Variants in TNNT3 observed in about 807,000 individuals in gnomAD.
The protein encoded by TNNT3 is troponin T3, fast skeletal type, also known as troponin T, fast skeletal muscle.
Under a neutral mutation model 54.2 loss-of-function variants are expected in TNNT3, and 36 were observed. That is an observed-to-expected ratio of 0.66 (90% confidence interval 0.51 to 0.88). TNNT3 has a LOEUF of 0.88. Among genes scored for constraint, TNNT3 ranks in the 40% least tolerant of loss-of-function variants. The pLI, the probability that TNNT3 is intolerant of heterozygous loss-of-function variation, is 0.00. For synonymous variants in TNNT3, 120 were observed against 109.7 expected, an observed-to-expected ratio of 1.09 and a Z score of -0.59; for missense variants, 291 against 331.6, an observed-to-expected ratio of 0.88 and a Z score of 0.95.
chr11:1,932,265 G>A (rs1853605113), intron 8 of TNNT3, among the ~76,000 whole-genome samples: 1 of 152,258 alleles, frequency 6.6e-6, no homozygotes, highest in African/African-American at 2.4e-5. Context: ...CTTCTTGAGG[G>A]GCTCAAGCCA....
rs751319053 is a variant in TNNT3 at position 1,938,593 on chromosome 11, G to A, written c.*101G>A. 6 of 1,297,760 alleles carry A rather than the reference G, an allele frequency of 4.6e-6. No individual in the cohort carries two copies. Among genetic ancestry groups the A allele is most frequent in the Non-Finnish European group, 6.6e-6 (6 of 910,926 alleles). 80.4% of individuals were successfully genotyped at this position (1,297,760 alleles called of 1,614,324 possible). ...CCTCCAGCCCCCACAATCCTGTCAG[G>A]GGCTCCCTGACAGTCCTGGGGGTGG... On this transcript the variant is annotated 3_prime_UTR_variant, in exon 16 of 16. Transcript: ENST00000278317.
chr11:1,920,469 C>T (rs1849846428), intron 1 of TNNT3, among the ~76,000 whole-genome samples: 2 of 145,302 alleles, frequency 1.4e-5, no homozygotes, highest in Admixed American at 6.8e-5. Context: ...TCGTAAGAGC[C>T]CCCACCCACC....
chr11:1,929,261 C>T lies in TNNT3; in HGVS notation c.106+118C>T, dbSNP rs1316029772. 3.8e-6 allele frequency: 5 copies of T among 1,313,560 alleles called. No individual in the cohort carries two copies. In the East Asian group the frequency reaches 1.1e-4, roughly 30 times the overall value. The allele number at this position is 1,313,560 out of a possible 1,614,324, so 81.4% of individuals were successfully genotyped here. On this transcript the variant is annotated intron_variant, in intron 7 of 15. Coordinates refer to ENST00000278317, the MANE Select transcript of TNNT3 (RefSeq NM_006757.4). ...CTCCTCCTCCCTCTGTCCTCTTTCT[C>T]TTCCCCTGGCACGGGGGCCTCGGAG...
chr11:1,935,489 A>G lies in TNNT3; in HGVS notation c.681+570A>G, dbSNP rs148747620. The G allele has an allele frequency of 2.8e-3, 517 of 182,476 alleles. 3 individuals are homozygous for G. Among genetic ancestry groups the G allele is most frequent in the African/African-American group, 0.011 (479 of 42,570 alleles). 11.3% of individuals were successfully genotyped at this position (182,476 alleles called of 1,614,324 possible). A position where few individuals can be genotyped will look rare whatever the true frequency, so the allele number is the denominator to read the frequency against. On this transcript the variant is annotated intron_variant, in intron 14 of 15. Coordinates refer to ENST00000278317, the MANE Select transcript of TNNT3 (RefSeq NM_006757.4). ...ACGGAGCAGAGCCACCATCCCATGC[A>G]GGCACTATCACCGCAGGCAAAGCTG...
Position 1,933,867 on chromosome 11 carries a change from G to T in TNNT3, c.288+30G>T, listed in dbSNP as rs1387435563. ...GTGGGGCAGTTCAGGTTGCAGCAGG[G>T]GCTGGTGGACTCCCTCGGAGGAGCC... On this transcript the variant is annotated intron_variant, in intron 10 of 15. Coordinates refer to ENST00000278317, the MANE Select transcript of TNNT3 (RefSeq NM_006757.4). 8 of 1,612,086 alleles carry T rather than the reference G, an allele frequency of 5.0e-6. No individual in the cohort carries two copies. In the African/African-American group the frequency reaches 9.3e-5, roughly 19 times the overall value.
At chr11:1,934,222 A>C (rs1186112114) in intron 11 of TNNT3, 110 bp from the exon 12 acceptor site, 15 of 1,138,090 alleles carry the variant, frequency 1.3e-5, no homozygotes, top group African/African-American at 3.1e-5. Context: ...TTCTAAGCCC[A>C]GGGTGGGCCC....
intron 6 of TNNT3, among the ~76,000 whole-genome samples, chr11:1,928,692 C>A (rs1418243700): frequency 6.6e-6 from 1 of 152,138 alleles, no homozygotes; most frequent in East Asian, 1.9e-4. Context: ...AGGGGTCAGG[C>A]TCCGGGAAGC....
At chr11:1,936,906 A>C (rs978736892) in intron 14 of TNNT3, 57 bp from the exon 15 acceptor site, 1 of 1,556,896 alleles carries the variant, frequency 6.4e-7, no homozygotes, top group Non-Finnish European at 8.7e-7. Context: ...GCCTTCACCC[A>C]GTACACGCAG....
At chr11:1,930,230 G>A (rs1223033854) in intron 8 of TNNT3, among the ~76,000 whole-genome samples, 2 of 152,130 alleles carry the variant, frequency 1.3e-5, no homozygotes, top group East Asian at 1.9e-4. Context: ...GGAAGGCGGG[G>A]CAGCTGGTGC....
intron 9 of TNNT3, among the ~76,000 whole-genome samples, chr11:1,933,431 A>G (rs981911447): frequency 1.3e-5 from 2 of 152,196 alleles, no homozygotes; most frequent in African/African-American, 4.8e-5. Flanking sequence ...GGATGATGAC[A>G]GAGCCAAGTC....
intron 7 of TNNT3, among the ~76,000 whole-genome samples, chr11:1,929,494 C>A (rs1358681986): frequency 1.3e-5 from 2 of 152,240 alleles, no homozygotes; most frequent in South Asian, 4.1e-4. Flanking sequence ...GTCCTCTTTG[C>A]TCCGTCTCCT....
At chr11:1,926,568 C>T in intron 5 of TNNT3, 127 bp from the exon 6 acceptor site, 1 of 1,607,870 alleles carries the variant, frequency 6.2e-7, no homozygotes, top group Admixed American at 1.7e-5. Flanking sequence ...GGCCGCGTAA[C>T]CCTGCACAGC....
rs376882177 is a variant in TNNT3, at chr11:1,934,527, T to C, written c.481-19T>C. On this transcript the variant is annotated intron_variant, in intron 12 of 15. Transcript: ENST00000278317. Reference sequence around the variant, plus strand: ...CCCTCCTGAGACCAGGCCCCTCTCTTTGGGCCTGTCCGCTGCAGGCTGACC... The same window carrying C: ...CCCTCCTGAGACCAGGCCCCTCTCTCTGGGCCTGTCCGCTGCAGGCTGACC... 15 of 1,606,960 alleles carry C rather than the reference T, an allele frequency of 9.3e-6. No individual in the cohort carries two copies. The African/African-American group carries it at 1.7e-4, about 19-fold the overall frequency.
chr11:1,922,357 C>T (rs1272413078), intron 1 of TNNT3, among the ~76,000 whole-genome samples: 1 of 152,088 alleles, frequency 6.6e-6, no homozygotes, highest in Non-Finnish European at 1.5e-5. Context: ...GATTACTCAT[C>T]TTGGGGAGCC....
chr11:1,935,416 C>T, intron 14 of TNNT3: 1 of 253,046 alleles, frequency 4.0e-6, no homozygotes, highest in Non-Finnish European at 7.8e-6. Context: ...GGGTGACACA[C>T]TGCACCCTGT....
At chr11:1,932,098 A>G (rs1589970102) in intron 8 of TNNT3, among the ~76,000 whole-genome samples, 2 of 152,202 alleles carry the variant, frequency 1.3e-5, no homozygotes, top group African/African-American at 4.8e-5. Context: ...CAGGGAGGCC[A>G]CCGCCACCCA....
At chr11:1,929,674 A>G in intron 7 of TNNT3, 136 bp from the exon 8 acceptor site, 1 of 927,942 alleles carries the variant, frequency 1.1e-6, no homozygotes, top group Non-Finnish European at 1.7e-6. Flanking sequence ...GGTTGGGGGT[A>G]CTCCCAGCTG....
chr11:1,933,554 T>C (rs1009035579), intron 9 of TNNT3, among the ~76,000 whole-genome samples, 167 bp from the exon 10 acceptor site: 1 of 152,190 alleles, frequency 6.6e-6, no homozygotes, highest in Admixed American at 6.5e-5. Flanking sequence ...GCCATGGCAA[T>C]GTGGAGAAGG....
rs143181266 is a variant in TNNT3, at chr11:1,927,613, C to G, written c.82+904C>G. Among the ~76,000 whole-genome samples the G allele has an allele frequency of 4.5e-3, 679 of 152,320 alleles. 6 individuals carry two copies. The highest frequency in any genetic ancestry group is 7.0e-3 in the Non-Finnish European group (474 of 68,016). ...GGGATGACAGGGTTGCTGGGCCGCT[C>G]TGGAACCAGCACTGAGGCCAGCGGA... On this transcript the variant is annotated intron_variant, in intron 6 of 15. Coordinates refer to ENST00000278317, the MANE Select transcript of TNNT3 (RefSeq NM_006757.4).
Sources: gnomAD v4.1 joint callset for allele counts (sites outside exome capture counted in the v4.1 genomes callset) on GRCh38, gnomAD v4.1.1 for gene constraint, MANE v1.5 for transcripts, NCBI Gene and HGNC (gene_info 2026-07-23, HGNC 2026-07-21) for gene names.